The following DPP4 variants were observed in gnomAD, a reference collection of about 807,000 sequenced individuals.
DPP4 encodes ADCP-2.
Under a neutral mutation model 122.4 loss-of-function variants are expected in DPP4, and 93 were observed. That is an observed-to-expected ratio of 0.76 (90% CI 0.64 to 0.90). The LOEUF (loss-of-function observed/expected upper bound fraction) is 0.90, where lower values mean the gene tolerates loss of function less well. Among genes scored for constraint, DPP4 ranks in the 40% least tolerant of loss-of-function variants. The pLI is 0.00. For missense variants in DPP4, 914 were observed against 907.3 expected, an observed-to-expected ratio of 1.01 and a Z score of -0.09; for synonymous variants, 321 against 302.9, an observed-to-expected ratio of 1.06 and a Z score of -0.62.
intron 21 of DPP4, 106 bp downstream of exon 21, chr2:162,009,135 T>C: frequency 8.6e-7 from 1 of 1,167,866 alleles, no homozygotes; most frequent in South Asian, 1.3e-5. Context: ...TAAGACTTGA[T>C]AGATGTGATT....
intron 9 of DPP4, among the ~76,000 whole-genome samples, chr2:162,034,762 C>T (rs75733325): frequency 0.047 from 7,189 of 152,206 alleles, 336 homozygotes; most frequent in African/African-American, 0.12. Context: ...TCATGTATCC[C>T]GTTAACTAGT....
At chr2:162,058,104 C>T (rs893152532) in intron 2 of DPP4, among the ~76,000 whole-genome samples, 6 of 152,036 alleles carry the variant, frequency 3.9e-5, no homozygotes, top group African/African-American at 9.7e-5. Flanking sequence ...GGAGCCACCA[C>T]GCCTGGCCTC....
intron 2 of DPP4, among the ~76,000 whole-genome samples, chr2:162,053,937 AC>A (rs1366522041): frequency 6.6e-6 from 1 of 152,114 alleles, no homozygotes; most frequent in African/African-American, 2.4e-5. Context: ...CTGTAGAGTC[AC>A]CAGCATGCAA....
At chr2:162,010,781 A>G (rs1162990904) in intron 20 of DPP4, among the ~76,000 whole-genome samples, 1 of 152,120 alleles carries the variant, frequency 6.6e-6, no homozygotes, top group Non-Finnish European at 1.5e-5. Context: ...AGTAAAAGAG[A>G]ATTTCTTTCC....
chr2:162,011,255 G>A (rs114176995), intron 20 of DPP4, among the ~76,000 whole-genome samples: 275 of 152,212 alleles, frequency 1.8e-3, no homozygotes, highest in African/African-American at 6.3e-3. Context: ...TGGTTCATAC[G>A]TAACAGAGCC....
At chr2:162,064,230 G>A (rs1339345689) in intron 2 of DPP4, among the ~76,000 whole-genome samples, 1 of 152,182 alleles carries the variant, frequency 6.6e-6, no homozygotes, top group Non-Finnish European at 1.5e-5. Context: ...TGAGCAGACA[G>A]GGAAAATAGG....
intron 2 of DPP4, among the ~76,000 whole-genome samples, chr2:162,059,086 C>T (rs1684671233): frequency 6.6e-6 from 1 of 152,108 alleles, no homozygotes. Flanking sequence ...CAAATATGAA[C>T]ATGTTGGTAA....
chr2:162,006,822 T>C (rs1159609606), intron 22 of DPP4, among the ~76,000 whole-genome samples: 2 of 152,066 alleles, frequency 1.3e-5, no homozygotes, highest in Non-Finnish European at 2.9e-5. Flanking sequence ...AGTTAAAGAG[T>C]CTAAGAATTT....
intron 23 of DPP4, among the ~76,000 whole-genome samples, chr2:162,003,791 A>G (rs745795942): frequency 7.2e-5 from 11 of 152,222 alleles, no homozygotes; most frequent in Non-Finnish European, 1.5e-4. Context: ...TTAAATCAGG[A>G]AAGGTTATAC....
At chr2:162,011,296 C>G (rs375131247) in intron 20 of DPP4, among the ~76,000 whole-genome samples, 32 of 152,146 alleles carry the variant, frequency 2.1e-4, no homozygotes, top group African/African-American at 7.0e-4. Flanking sequence ...TGGTTGTGCT[C>G]CACAATTTTC....
At chr2:162,022,942 T>A (rs2302873) in intron 11 of DPP4, 143 bp from the exon 12 acceptor site, 1 of 860,294 alleles carries the variant, frequency 1.2e-6, no homozygotes, top group Non-Finnish European at 1.9e-6. Context: ...TATGTTAGTA[T>A]TTTTCAAGTC....
At position 161,993,263 on chromosome 2, in the gene DPP4, T is replaced by C. The variant is rs1322193490; in HGVS notation, c.*20A>G. 1.3e-6 allele frequency: 2 copies of C among 1,566,008 alleles called. No individual in the cohort carries two copies. Among genetic ancestry groups the C allele is most frequent in the Admixed American group, 1.7e-5 (1 of 59,828 alleles). ...AAAATGAGTTTTAATAAGCTTTAAA[T>C]GGCATGGTATTTTGAGGTGCTAAGG... On this transcript the variant is annotated 3_prime_UTR_variant, in exon 26 of 26. Coordinates refer to ENST00000360534, the MANE Select transcript of DPP4 (RefSeq NM_001935.4).
At chr2:162,034,715 A>C (rs573344075) in intron 9 of DPP4, among the ~76,000 whole-genome samples, 1 of 152,208 alleles carries the variant, frequency 6.6e-6, no homozygotes, top group Non-Finnish European at 1.5e-5. Flanking sequence ...AAAAATTTAC[A>C]TTAGTGCCAA....
intron 22 of DPP4, among the ~76,000 whole-genome samples, chr2:162,007,083 A>G (rs1021454583): frequency 1.3e-5 from 2 of 152,126 alleles, no homozygotes; most frequent in South Asian, 2.1e-4. Context: ...GTGATATTTT[A>G]TCATTTTGAT....
At chr2:162,026,620 C>G (rs964178192) in intron 10 of DPP4, among the ~76,000 whole-genome samples, 5 of 152,150 alleles carry the variant, frequency 3.3e-5, no homozygotes, top group Non-Finnish European at 5.9e-5. Flanking sequence ...ACCACTCTGC[C>G]AGGTCTCATT....
chr2:162,038,470 T>G (rs1168023914), intron 7 of DPP4, 48 bp from the exon 8 acceptor site: 3 of 1,549,622 alleles, frequency 1.9e-6, no homozygotes, highest in East Asian at 4.6e-5. Context: ...CATGTCATAT[T>G]TTTATCCCGG....
intron 1 of DPP4, 148 bp from the exon 2 acceptor site, chr2:162,073,634 T>C (rs1479669289): frequency 1.3e-6 from 1 of 754,760 alleles, no homozygotes; most frequent in Non-Finnish European, 2.3e-6. Context: ...GGGGGTGGCG[T>C]CTGGAGTGCG....
intron 20 of DPP4, among the ~76,000 whole-genome samples, chr2:162,009,995 C>A (rs1682629472): frequency 6.6e-6 from 1 of 152,014 alleles, no homozygotes; most frequent in African/African-American, 2.4e-5. Flanking sequence ...CTTAAAAATA[C>A]CTGACAAATG....
chr2:162,069,189 A>C (rs1440343828), intron 2 of DPP4, among the ~76,000 whole-genome samples: 1 of 152,212 alleles, frequency 6.6e-6, no homozygotes. Flanking sequence ...TGGAGAGGGT[A>C]ATAGTACCTC....
Sources: gnomAD v4.1 joint callset for allele counts (sites outside exome capture counted in the v4.1 genomes callset) on GRCh38, gnomAD v4.1.1 for gene constraint, MANE v1.5 for transcripts, NCBI Gene and HGNC (gene_info 2026-07-23, HGNC 2026-07-21) for gene names.